The following GPC5 variants were observed in gnomAD, a reference collection of about 807,000 sequenced individuals.
GPC5 encodes glypican-5.
GPC5 carries 47 observed loss-of-function variants against 53.9 expected under a neutral mutation model. The observed-to-expected ratio is 0.87, with a 90% CI of 0.69 to 1.11. The LOEUF is 1.11. Among genes scored for constraint, GPC5 ranks in the 50% most tolerant of loss-of-function variants. The pLI is 0.00. For synonymous variants in GPC5, 286 were observed against 263.3 expected (o/e 1.09, Z -0.84); for missense variants, 748 against 713.1 (o/e 1.05, Z -0.56).
At chr13:92,031,822 A>ATATATAATATATAATATATTACATAT (rs2040850898) in intron 6 of GPC5, among the ~76,000 whole-genome samples, 5 of 82,472 alleles carry the variant, frequency 6.1e-5, no homozygotes, top group Non-Finnish European at 9.1e-5. Context: ...ATTACATATT[A>ATATATAATATATAATATATTACATAT]TATATAATAT....
intron 7 of GPC5, among the ~76,000 whole-genome samples, chr13:92,375,995 T>C (rs550067002): frequency 2.6e-5 from 4 of 152,212 alleles, no homozygotes; most frequent in Admixed American, 6.5e-5. Flanking sequence ...AGACACATTA[T>C]TGGAAAATTA....
chr13:92,252,870 GT>G (rs1222160639), intron 7 of GPC5, among the ~76,000 whole-genome samples: 1 of 152,068 alleles, frequency 6.6e-6, no homozygotes, highest in Non-Finnish European at 1.5e-5. Flanking sequence ...TAAAGAGTTA[GT>G]GACTACCTGA....
chr13:91,784,479 C>T (rs1450812595), intron 5 of GPC5, among the ~76,000 whole-genome samples: 1 of 152,068 alleles, frequency 6.6e-6, no homozygotes, highest in Non-Finnish European at 1.5e-5. Context: ...AATCCCAGCA[C>T]TTCGGGAGGC....
intron 6 of GPC5, among the ~76,000 whole-genome samples, chr13:92,082,005 T>C (rs1555309285): frequency 1.3e-5 from 2 of 151,976 alleles, no homozygotes; most frequent in Non-Finnish European, 2.9e-5. Context: ...TAAGGAGGAA[T>C]GTGAGTGAGT....
intron 7 of GPC5, among the ~76,000 whole-genome samples, chr13:92,367,846 C>A (rs1001437877): frequency 5.3e-5 from 8 of 152,146 alleles, no homozygotes; most frequent in African/African-American, 1.9e-4. Flanking sequence ...GAGTTTTCCT[C>A]AGTACTGGAA....
chr13:91,479,306 CA>C (rs1883179461), intron 2 of GPC5, among the ~76,000 whole-genome samples: 1 of 152,038 alleles, frequency 6.6e-6, no homozygotes, highest in Non-Finnish European at 1.5e-5. Flanking sequence ...TATCATGTCA[CA>C]AAAGCATCTA....
intron 7 of GPC5, chr13:92,706,164 A>C (rs1594438276): frequency 6.6e-6 from 1 of 152,242 alleles, no homozygotes; most frequent in Middle Eastern, 3.4e-3. Flanking sequence ...ACAGAAAAAA[A>C]TTCCTTTAAT....
At position 92,138,942 on chromosome 13, in the gene GPC5, C is replaced by T. The variant is rs565785692; in HGVS notation, c.1402-5888C>T. ...GAAAAAAAAAATAACAGACTTTTTG[C>T]AAAAATCCATTTTTGAAAATATTCC... On this transcript the variant is annotated intron_variant, in intron 6 of 7. Transcript: ENST00000377067. Among the ~76,000 whole-genome samples, 4 of 152,190 alleles carry T rather than the reference C, an allele frequency of 2.6e-5. No individual in the cohort carries two copies. In the East Asian group the frequency reaches 7.7e-4, roughly 29 times the overall value.
chr13:91,750,636 G>A (rs896948221), intron 4 of GPC5, among the ~76,000 whole-genome samples: 35 of 151,518 alleles, frequency 2.3e-4, no homozygotes, highest in African/African-American at 7.8e-4. Flanking sequence ...TCTGATAATA[G>A]GGCCAACATT....
intron 2 of GPC5, among the ~76,000 whole-genome samples, chr13:91,497,734 A>G (rs937684683): frequency 3.9e-5 from 6 of 152,234 alleles, no homozygotes; most frequent in Non-Finnish European, 8.8e-5. Flanking sequence ...TGGTATCAAC[A>G]TGAGGATTTA....
intron 2 of GPC5, among the ~76,000 whole-genome samples, chr13:91,577,093 T>C (rs895124213): frequency 6.6e-6 from 1 of 152,196 alleles, no homozygotes; most frequent in Admixed American, 6.5e-5. Context: ...TTTCCTAAAA[T>C]ACTGTGAACA....
intron 1 of GPC5, among the ~76,000 whole-genome samples, chr13:91,421,557 A>C (rs555124004): frequency 6.6e-6 from 1 of 152,216 alleles, no homozygotes; most frequent in Non-Finnish European, 1.5e-5. Flanking sequence ...GAACACTGCA[A>C]TGGAATATTG....
At chr13:91,474,337 G>T (rs1177856052) in intron 2 of GPC5, among the ~76,000 whole-genome samples, 1 of 152,026 alleles carries the variant, frequency 6.6e-6, no homozygotes, top group East Asian at 1.9e-4. Flanking sequence ...TGTCTTTAGA[G>T]GATATTAGCT....
chr13:91,927,369 T>C (rs1594668753), intron 6 of GPC5, among the ~76,000 whole-genome samples: 2 of 152,272 alleles, frequency 1.3e-5, no homozygotes, highest in South Asian at 4.1e-4. Flanking sequence ...GTAGATAAGA[T>C]TTCTCTTTAA....
chr13:92,655,252 C>T (rs9584053), intron 7 of GPC5, among the ~76,000 whole-genome samples: 2,396 of 152,012 alleles, frequency 0.016, 73 homozygotes, highest in African/African-American at 0.053. Context: ...TCTCATCCAC[C>T]GGCAAACATT....
chr13:91,893,266 AT>A (rs1239935294), intron 5 of GPC5, among the ~76,000 whole-genome samples: 1 of 151,866 alleles, frequency 6.6e-6, no homozygotes, highest in African/African-American at 2.4e-5. Context: ...ATAGAAAAAA[AT>A]GTATGCCAAT....
At chr13:92,858,524 T>C (rs149290840) in intron 7 of GPC5, among the ~76,000 whole-genome samples, 27 of 152,312 alleles carry the variant, frequency 1.8e-4, no homozygotes, top group Middle Eastern at 3.4e-3. Flanking sequence ...TGGATGCAGC[T>C]GGAGACCATT....
chr13:92,142,285 C>T (rs1029026607), intron 6 of GPC5, among the ~76,000 whole-genome samples: 2 of 152,124 alleles, frequency 1.3e-5, no homozygotes, highest in African/African-American at 4.8e-5. Context: ...TGATTAATGG[C>T]ATCAGTTACA....
intron 5 of GPC5, among the ~76,000 whole-genome samples, chr13:91,821,818 A>G (rs1410984582): frequency 6.6e-6 from 1 of 152,182 alleles, no homozygotes; most frequent in Non-Finnish European, 1.5e-5. Flanking sequence ...AAATCAATTT[A>G]TTAATATTTT....
Sources: gnomAD v4.1 joint callset for allele counts (sites outside exome capture counted in the v4.1 genomes callset) on GRCh38, gnomAD v4.1.1 for gene constraint, MANE v1.5 for transcripts, NCBI Gene and HGNC (gene_info 2026-07-23, HGNC 2026-07-21) for gene names.